The following TRPS1 variants were observed in gnomAD, a reference collection of about 807,000 sequenced individuals.
The protein encoded by TRPS1 is zinc finger transcription factor Trps1.
A neutral mutation model predicts 101.2 loss-of-function variants in TRPS1; 6 were observed. The ratio of observed to expected loss-of-function variants is 0.06; its 90% CI spans 0.03 to 0.12. TRPS1 has a LOEUF of 0.12. TRPS1 is among the 10% of genes least tolerant of loss of function. The pLI, the probability that TRPS1 is intolerant of heterozygous loss-of-function variation, is 1.00. For missense variants in TRPS1, 1,363 were observed against 1,567.0 expected, an observed-to-expected ratio of 0.87 and a Z score of 2.20; for synonymous variants, 578 against 589.8, an observed-to-expected ratio of 0.98 and a Z score of 0.29.
chr8:115,421,685 ATT>A (rs987303301), intron 5 of TRPS1, among the ~76,000 whole-genome samples: 11 of 152,168 alleles, frequency 7.2e-5, no homozygotes, highest in South Asian at 4.1e-4. Flanking sequence ...GTCGAACCTT[ATT>A]TTTGGTGCAA....
intron 5 of TRPS1, among the ~76,000 whole-genome samples, chr8:115,517,629 G>C (rs1396416267): frequency 2.0e-5 from 3 of 151,696 alleles, no homozygotes; most frequent in Non-Finnish European, 4.4e-5. Context: ...TTAATGTTAT[G>C]ATATACTAAA....
chr8:115,528,929 T>C (rs1463838645), intron 5 of TRPS1, among the ~76,000 whole-genome samples: 1 of 151,662 alleles, frequency 6.6e-6, no homozygotes, highest in Admixed American at 6.6e-5. Context: ...CAAATCAGAG[T>C]AGCTAAACAT....
At chr8:115,539,031 T>C (rs1013276755) in intron 5 of TRPS1, among the ~76,000 whole-genome samples, 1 of 152,202 alleles carries the variant, frequency 6.6e-6, no homozygotes, top group Non-Finnish European at 1.5e-5. Flanking sequence ...TGCTTAAAAA[T>C]GTCACATCAT....
At chr8:115,526,016 T>C (rs976459104) in intron 5 of TRPS1, among the ~76,000 whole-genome samples, 11 of 152,130 alleles carry the variant, frequency 7.2e-5, no homozygotes, top group African/African-American at 2.4e-4. Flanking sequence ...TGCAAAGATT[T>C]TACACTGTGG....
chr8:115,533,938 A>G (rs1816214540), intron 5 of TRPS1, among the ~76,000 whole-genome samples: 2 of 152,058 alleles, frequency 1.3e-5, no homozygotes, highest in African/African-American at 4.8e-5. Flanking sequence ...GTCCCTTATG[A>G]TCTTAAACCC....
chr8:115,609,869 C>A (rs2130507180), intron 3 of TRPS1, among the ~76,000 whole-genome samples: 1 of 152,264 alleles, frequency 6.6e-6, no homozygotes, highest in African/African-American at 2.4e-5. Context: ...TTTACACACA[C>A]ACAAAAATGT....
intron 3 of TRPS1, 108 bp from the exon 4 acceptor site, chr8:115,605,110 A>G: frequency 1.0e-6 from 1 of 967,916 alleles, no homozygotes; most frequent in African/African-American, 1.6e-5. Context: ...AAAAAATACA[A>G]TAGTACTCCT....
chr8:115,518,923 C>T (rs1815789311), intron 5 of TRPS1, among the ~76,000 whole-genome samples: 1 of 151,782 alleles, frequency 6.6e-6, no homozygotes, highest in Non-Finnish European at 1.5e-5. Context: ...TTGCCTTTTA[C>T]AATTGTCAAG....
chr8:115,516,756 T>C (rs1269727949), intron 5 of TRPS1, among the ~76,000 whole-genome samples: 2 of 151,562 alleles, frequency 1.3e-5, no homozygotes, highest in Non-Finnish European at 3.0e-5. Flanking sequence ...CAGAGGTTTA[T>C]AGAGGTTAAA....
chr8:115,578,875 T>C (rs998424987), intron 5 of TRPS1, among the ~76,000 whole-genome samples: 4 of 152,074 alleles, frequency 2.6e-5, no homozygotes, highest in African/African-American at 4.8e-5. Flanking sequence ...CATAAAAACG[T>C]GTATGCTTAG....
chr8:115,522,289 T>C (rs1815884713), intron 5 of TRPS1, among the ~76,000 whole-genome samples: 2 of 151,916 alleles, frequency 1.3e-5, no homozygotes, highest in Non-Finnish European at 2.9e-5. Context: ...ATTTATGAGC[T>C]TTGCATATCT....
chr8:115,461,480 G>T (rs755353094), intron 5 of TRPS1, among the ~76,000 whole-genome samples: 8 of 152,158 alleles, frequency 5.3e-5, no homozygotes, highest in Non-Finnish European at 1.2e-4. Context: ...TCCCTCTAAA[G>T]ACACTGAATC....
chr8:115,452,135 C>T (rs961499408), intron 5 of TRPS1, among the ~76,000 whole-genome samples: 7 of 152,168 alleles, frequency 4.6e-5, no homozygotes, highest in African/African-American at 1.7e-4. Context: ...TCAAATTAAA[C>T]CCAATGAATT....
intron 5 of TRPS1, among the ~76,000 whole-genome samples, chr8:115,419,713 T>C (rs538819897): frequency 3.5e-4 from 53 of 152,310 alleles, no homozygotes; most frequent in African/African-American, 1.2e-3. Context: ...TTTCTTGGCA[T>C]TGAAAGGGCA....
In TRPS1 at chr8:115,413,803, T is replaced by C. The variant is rs1248336683; in HGVS notation, c.*220A>G. 1.4e-5 allele frequency: 8 copies of C among 556,328 alleles called. No individual in the cohort carries two copies. The East Asian group carries it at 2.5e-4, about 17-fold the overall frequency. 34.5% of individuals were successfully genotyped at this position (556,328 alleles called of 1,614,324 possible). A position where few individuals can be genotyped will look rare whatever the true frequency, so the allele number is the denominator to read the frequency against. ...GACTTAACAGGTTTTAAAAAGTGAT[T>C]GTTTACCATCTTCCATTCTTTCTCA... is the stretch of plus-strand genomic sequence containing the variant. On this transcript the variant is annotated 3_prime_UTR_variant, in exon 7 of 7. Transcript: ENST00000395715.
chr8:115,610,588 C>T (rs1168651296), intron 3 of TRPS1, among the ~76,000 whole-genome samples: 1 of 152,160 alleles, frequency 6.6e-6, no homozygotes. Flanking sequence ...CAAGAGCCAA[C>T]CAACGGCAGG....
chr8:115,481,907 C>G lies in TRPS1; in HGVS notation c.2701-63455G>C, dbSNP rs576502669. Among the ~76,000 whole-genome samples the G allele has an allele frequency of 2.1e-3, 314 of 152,264 alleles. 3 individuals are homozygous for G. Among genetic ancestry groups the G allele is most frequent in the Middle Eastern group, 6.8e-3 (2 of 294 alleles). The stretch of plus-strand genomic sequence containing the variant: ...CAGTGAAGAATGTAGTGAAGGAAAA[C>G]AGTTCTTGGAAAATTTCGGTAAGTT... On this transcript the variant is annotated intron_variant, in intron 5 of 6. Transcript: ENST00000395715.
chr8:115,498,253 C>T (rs1815199524), intron 5 of TRPS1, among the ~76,000 whole-genome samples: 1 of 151,580 alleles, frequency 6.6e-6, no homozygotes, highest in South Asian at 2.1e-4. Context: ...GTGGTGTGCA[C>T]CTGTAGTTCC....
intron 5 of TRPS1, among the ~76,000 whole-genome samples, chr8:115,444,959 C>T (rs376688779): frequency 0.28 from 43,164 of 152,198 alleles, 6,278 homozygotes; most frequent in Middle Eastern, 0.45. Flanking sequence ...TGAAGACAAC[C>T]TAATTATATC....
Sources: allele counts gnomAD v4.1 joint callset (sites outside exome capture counted in the v4.1 genomes callset), GRCh38; gene constraint gnomAD v4.1.1; transcripts MANE v1.5; gene names NCBI Gene and HGNC (gene_info 2026-07-23, HGNC 2026-07-21).